MYCBPAP: variants seen among roughly 807,000 people sequenced by gnomAD.
The protein encoded by MYCBPAP is MYCBP-associated protein.
A neutral mutation model predicts 106.1 loss-of-function variants in MYCBPAP; 60 were observed. The ratio of observed to expected loss-of-function variants is 0.57; its 90% CI spans 0.46 to 0.70. The LOEUF is 0.70. MYCBPAP is among the 30% of genes least tolerant of loss of function. The pLI, the probability that MYCBPAP is intolerant of heterozygous loss-of-function variation, is 0.00. For missense variants in MYCBPAP, 1,064 were observed against 1,169.3 expected, an observed-to-expected ratio of 0.91 and a Z score of 1.31; for synonymous variants, 407 against 440.6, an observed-to-expected ratio of 0.92 and a Z score of 0.95.
intron 1 of MYCBPAP, chr17:50,514,926 C>A: frequency 2.2e-6 from 1 of 453,876 alleles, no homozygotes; most frequent in South Asian, 1.6e-5. Flanking sequence ...TTAATCCATT[C>A]CTTGGCATGC....
At chr17:50,518,516 C>T in intron 4 of MYCBPAP, 25 bp from the exon 5 acceptor site, 2 of 1,537,092 alleles carry the variant, frequency 1.3e-6, no homozygotes, top group Non-Finnish European at 1.7e-6. Context: ...TACTGCCCTC[C>T]ACATACCTAT....
In MYCBPAP at chr17:50,517,429, C is replaced by T. The variant is rs776345785; in HGVS notation, c.341C>T (p.Ala114Val). Residue 114 changes from alanine (A) to valine (V), a missense_variant, in exon 3 of 19, where the codon GCC (alanine) becomes GTC (valine). Transcript: ENST00000323776. ...LVARPANPDE[A>V]TKPLDYSGPG... is the part of the protein sequence containing the mutation. Reference sequence around the variant, plus strand: ...GCACGTCCTGCGAATCCTGATGAAGCCACAAAGCCTCTGGACTACTCCGGT... The same window carrying T: ...GCACGTCCTGCGAATCCTGATGAAGTCACAAAGCCTCTGGACTACTCCGGT... 4.3e-6 allele frequency: 7 copies of T among 1,614,188 alleles called. No individual in the cohort carries two copies. In the Admixed American group the frequency reaches 8.3e-5, roughly 19 times the overall value.
chr17:50,520,067 G>A (rs573019379), intron 7 of MYCBPAP: 9 of 348,220 alleles, frequency 2.6e-5, no homozygotes, highest in South Asian at 1.3e-4. Flanking sequence ...CGCCTGGATC[G>A]TGGCTGCCCT....
rs956128347 is a variant in MYCBPAP at position 50,526,024 on chromosome 17, T to C, written c.1926T>C (p.Ala642=). Residue 642 remains alanine (A), a synonymous_variant, in exon 14 of 19, where the codon GCT becomes GCC. Coordinates refer to ENST00000323776, the MANE Select transcript of MYCBPAP (RefSeq NM_032133.6). ...PIATEKASVN[A]ELLPRFRSPI... is the part of the protein sequence containing the mutation. ...CCACAGAGAAGGCCTCTGTGAATGC[T>C]GAGCTGTTACCACGCTTTAGGAGCC... is the stretch of plus-strand genomic sequence containing the variant. The C allele has an allele frequency of 8.1e-6, 13 of 1,613,974 alleles. No individual in the cohort carries two copies. The highest frequency in any genetic ancestry group is 1.1e-5 in the Non-Finnish European group (13 of 1,180,018).
At position 50,529,044 on chromosome 17, in the gene MYCBPAP, G is replaced by GGC; in HGVS notation, c.2581_2582dup (p.Lys862GlnfsTer8). 1 of 1,614,148 alleles carries GGC rather than the reference G, an allele frequency of 6.2e-7. No individual in the cohort carries two copies. Among genetic ancestry groups the GGC allele is most frequent in the South Asian group, 1.1e-5 (1 of 91,074 alleles). On this transcript the variant is annotated frameshift_variant, in exon 18 of 19. Coordinates refer to ENST00000323776, the MANE Select transcript of MYCBPAP (RefSeq NM_032133.6). LOFTEE classifies it high-confidence loss of function. ...ACCGTCCCAACAGCAAGAAGCACAA[G>GGC]GCAAAGGATGACAAGAAAGTCATAA...
At chr17:50,510,467 GTA>G (rs199952504) in intron 1 of MYCBPAP, 13 of 97,558 alleles carry the variant, frequency 1.3e-4, no homozygotes, top group Non-Finnish European at 1.9e-4. Context: ...ATGTATATGT[GTA>G]TATATGTGTG....
chr17:50,520,048 G>A (rs1030414565), intron 7 of MYCBPAP: 20 of 387,430 alleles, frequency 5.2e-5, no homozygotes, highest in African/African-American at 6.1e-5. Flanking sequence ...GCCACATGCC[G>A]CTGGTGAGCG....
At chr17:50,509,546 GT>G in intron 1 of MYCBPAP, 1 of 99,524 alleles carries the variant, frequency 1.0e-5, no homozygotes, top group South Asian at 2.2e-4. Flanking sequence ...CTGTGTGTGT[GT>G]GTGTGTGTGT....
chr17:50,512,378 G>A (rs966337691), intron 1 of MYCBPAP, among the ~76,000 whole-genome samples: 3 of 152,092 alleles, frequency 2.0e-5, no homozygotes, highest in Non-Finnish European at 2.9e-5. Context: ...CTGTGTTATC[G>A]TGCCACTCAC....
chr17:50,521,158 G>C lies in MYCBPAP; in HGVS notation c.965G>C (p.Ser322Thr). 1 of 1,613,850 alleles carries C rather than the reference G, an allele frequency of 6.2e-7. No homozygotes were observed. ...TCATACCGCTACACCTGGGATCGGA[G>C]TCTGTTTCTGATCTACCGACGCAAG... ...DASYRYTWDR[S>T]LFLIYRRKEL... The change falls in exon 8 of 19, where the codon AGT (serine) becomes ACT (threonine). Residue 322 changes from serine (S) to threonine (T), a missense_variant. Physicochemically the swap from Ser to Thr is moderately conservative, Grantham distance 58. Transcript: ENST00000323776.
At chr17:50,519,897 C>A in intron 7 of MYCBPAP, 110 bp downstream of exon 7, 1 of 1,182,158 alleles carries the variant, frequency 8.5e-7, no homozygotes, top group Non-Finnish European at 1.2e-6. Context: ...GGGCCTGTTT[C>A]TCTGTGGTTC....
intron 1 of MYCBPAP, chr17:50,509,274 T>C: frequency 1.5e-6 from 1 of 648,048 alleles, no homozygotes; most frequent in Non-Finnish European, 2.8e-6. Flanking sequence ...TGGCTAGTTC[T>C]CTTTTTGACT....
At chr17:50,524,711 C>CGTGT (rs1555621272) in intron 12 of MYCBPAP, among the ~76,000 whole-genome samples, 166 bp from the exon 13 acceptor site, 1,443 of 138,888 alleles carry the variant, frequency 0.01, 20 homozygotes, top group Middle Eastern at 0.036. Flanking sequence ...TTAGAACAGG[C>CGTGT]GTGTGTGTGT....
chr17:50,527,591 C>T (rs2034502720), intron 15 of MYCBPAP, among the ~76,000 whole-genome samples, 183 bp downstream of exon 15: 1 of 152,212 alleles, frequency 6.6e-6, no homozygotes, highest in Non-Finnish European at 1.5e-5. Context: ...GGAGAGCAGT[C>T]ACAGCAGATC....
chr17:50,520,949 T>G, intron 7 of MYCBPAP, 161 bp from the exon 8 acceptor site: 1 of 610,846 alleles, frequency 1.6e-6, no homozygotes, highest in Non-Finnish European at 2.9e-6. Flanking sequence ...GCTGAGGAGG[T>G]ATAGGACAGG....
intron 10 of MYCBPAP, 79 bp from the exon 11 acceptor site, chr17:50,522,860 G>GTCCTGGGC: frequency 2.1e-6 from 3 of 1,458,896 alleles, no homozygotes; most frequent in Non-Finnish European, 2.8e-6. Flanking sequence ...AGCCAGAAAA[G>GTCCTGGGC]TCCTGGGCAG....
In MYCBPAP at chr17:50,516,706, G is replaced by GA; in HGVS notation, c.204+11dup. ...AGGAAGACTTGAAGGAGGTGAGGAT[G>GA]AAGCCCAAGCTTCCCTTACCATAGA... On this transcript the variant is annotated intron_variant, in intron 2 of 18. Coordinates refer to ENST00000323776, the MANE Select transcript of MYCBPAP (RefSeq NM_032133.6). 1 of 1,613,648 alleles carries GA rather than the reference G, an allele frequency of 6.2e-7. No individual in the cohort carries two copies. The highest frequency in any genetic ancestry group is 1.1e-5 in the South Asian group (1 of 91,036).
rs949489124 is a variant in MYCBPAP, at chr17:50,519,046, G to A, written c.725G>A (p.Arg242Gln). The change falls in exon 6 of 19, where the codon CGG becomes CAG. Residue 242 changes from arginine (R) to glutamine (Q), a missense_variant. Physicochemically the swap from Arg to Gln is conservative, Grantham distance 43 (BLOSUM62 1). Coordinates refer to ENST00000323776, the MANE Select transcript of MYCBPAP (RefSeq NM_032133.6). ...GETYRRIQEE[R>Q]ELIDCTLPTR... ...ACCTACAGACGGATCCAGGAGGAGC[G>A]GGAGCTCATTGACTGCACACTTCCA... 3.7e-6 allele frequency: 6 copies of A among 1,614,010 alleles called. No individual in the cohort carries two copies. Among genetic ancestry groups the A allele is most frequent in the Non-Finnish European group, 4.2e-6 (5 of 1,180,008 alleles).
chr17:50,508,935 G>T (rs2033719469), intron 1 of MYCBPAP, 185 bp downstream of exon 1: 10 of 716,766 alleles, frequency 1.4e-5, no homozygotes, highest in Non-Finnish European at 2.5e-5. Context: ...AGCCTACAGC[G>T]CACTGGGCCT....
Sources: gnomAD v4.1 joint callset for allele counts (sites outside exome capture counted in the v4.1 genomes callset) on GRCh38, gnomAD v4.1.1 for gene constraint, MANE v1.5 for transcripts, NCBI Gene and HGNC (gene_info 2026-07-23, HGNC 2026-07-21) for gene names.